Variants in ZNF782 observed in about 807,000 individuals in gnomAD.
ZNF782 encodes the protein zinc finger protein 782.
In ZNF782, 12 loss-of-function variants were observed where a neutral mutation model predicts 13.0. The ratio of observed to expected loss-of-function variants is 0.92; its 90% CI spans 0.59 to 1.50. The LOEUF is 1.50. Ranked by LOEUF, ZNF782 falls within the 40% of genes most tolerant of loss-of-function variation. ZNF782 has a pLI of 0.00. For synonymous variants in ZNF782, 284 were observed against 283.0 expected, an observed-to-expected ratio of 1.00 and a Z score of -0.04; for missense variants, 770 against 822.9, an observed-to-expected ratio of 0.94 and a Z score of 0.79.
At chr9:96,887,338 G>GAAGGAAGGAAGGAAGA in the ZNF782 span, 5 of 128,168 alleles carry the variant, frequency 3.9e-5, no homozygotes, top group Non-Finnish European at 6.7e-5. Flanking sequence ...AGGAAGGAAG[G>GAAGGAAGGAAGGAAGA]AAGAAAGAAA....
Position 96,816,726 on chromosome 9 carries a change from T to C in ZNF782, c.*1197A>G, listed in dbSNP as rs953895513. The C allele has an allele frequency of 3.3e-5, 5 of 152,168 alleles. No homozygotes were observed. Among genetic ancestry groups the C allele is most frequent in the African/African-American group, 4.8e-5 (2 of 41,444 alleles). 9.4% of individuals were successfully genotyped at this position (152,168 alleles called of 1,614,324 possible). On this transcript the variant is annotated 3_prime_UTR_variant, in exon 6 of 6. Coordinates refer to ENST00000481138, the MANE Select transcript of ZNF782 (RefSeq NM_001001662.3). ...AATTATCATATATTTAATGAGACTTTGGGTGTGTATGTGTGAGTGTGTGTC... is the reference window on the plus strand; with the variant it reads ...AATTATCATATATTTAATGAGACTTCGGGTGTGTATGTGTGAGTGTGTGTC...
chr9:96,877,065 C>T (rs1320713542), upstream of ZNF782, among the ~76,000 whole-genome samples: 1 of 151,254 alleles, frequency 6.6e-6, no homozygotes, highest in Non-Finnish European at 1.5e-5. Context: ...TACATGAGCA[C>T]CTGTTGATTT....
At chr9:96,887,226 A>ATTGC in the ZNF782 span, 2 of 150,684 alleles carry the variant, frequency 1.3e-5, no homozygotes, top group Non-Finnish European at 3.0e-5. Flanking sequence ...AGGCAGGAGA[A>ATTGC]TTGCTTGAAC....
the ZNF782 span, among the ~76,000 whole-genome samples, chr9:96,911,711 G>A: frequency 1.3e-5 from 2 of 151,118 alleles, no homozygotes; most frequent in Admixed American, 1.3e-4. Flanking sequence ...TAGTAGAGAC[G>A]GGGTTTCACC....
intron 5 of ZNF782, among the ~76,000 whole-genome samples, chr9:96,824,903 A>G (rs1285501930): frequency 6.6e-6 from 1 of 151,220 alleles, no homozygotes; most frequent in African/African-American, 2.4e-5. Context: ...AGGAAATAAA[A>G]GAGGATACAA....
At chr9:96,912,462 C>T in the ZNF782 span, among the ~76,000 whole-genome samples, 4 of 150,410 alleles carry the variant, frequency 2.7e-5, no homozygotes, top group Non-Finnish European at 5.9e-5. Flanking sequence ...CCACTGCACT[C>T]CAGCCCGGGC....
intron 1 of ZNF782, among the ~76,000 whole-genome samples, chr9:96,874,186 G>A (rs1429001040): frequency 6.6e-6 from 1 of 152,170 alleles, no homozygotes; most frequent in Non-Finnish European, 1.5e-5. Context: ...GGACTAAATG[G>A]CACTGTGTTT....
At chr9:96,906,391 C>T in the ZNF782 span, among the ~76,000 whole-genome samples, 1 of 149,590 alleles carries the variant, frequency 6.7e-6, no homozygotes, top group East Asian at 1.9e-4. Flanking sequence ...AGGTTGAGTG[C>T]TCAGTCCACA....
chr9:96,931,029 C>T, the ZNF782 span, among the ~76,000 whole-genome samples: 1 of 151,526 alleles, frequency 6.6e-6, no homozygotes, highest in African/African-American at 2.4e-5. Flanking sequence ...TGAGTAGCTG[C>T]GATTACAGGC....
rs1850451350 is a variant in ZNF782, at chr9:96,822,351, T to C, written c.245-2573A>G. Among the ~76,000 whole-genome samples, 4 of 152,250 alleles carry C rather than the reference T, an allele frequency of 2.6e-5. No homozygotes were observed. In the South Asian group the frequency reaches 6.2e-4, roughly 24 times the overall value. On this transcript the variant is annotated intron_variant, in intron 5 of 5. Coordinates refer to ENST00000481138, the MANE Select transcript of ZNF782 (RefSeq NM_001001662.3). ...GTAAAGCAGAGACCATTCTTTTTAG[T>C]GGGTTATAATCCAGGTGGGAATGGA... is the stretch of plus-strand genomic sequence containing the variant.
chr9:96,900,978 G>A, the ZNF782 span, among the ~76,000 whole-genome samples: 2 of 146,148 alleles, frequency 1.4e-5, no homozygotes. Context: ...TGGCCAACCT[G>A]GTGAAACCCC....
At chr9:96,925,481 T>TA in the ZNF782 span, among the ~76,000 whole-genome samples, 1 of 151,928 alleles carries the variant, frequency 6.6e-6, no homozygotes, top group African/African-American at 2.4e-5. Context: ...CTACCAAAAA[T>TA]ACAAAAATTA....
chr9:96,852,153 C>A lies in ZNF782; in HGVS notation c.-44-148G>T, dbSNP rs117305905. The A allele has an allele frequency of 1.0e-3, 594 of 595,866 alleles. 1 individual carries two copies. Among genetic ancestry groups the A allele is most frequent in the Middle Eastern group, 1.8e-3 (5 of 2,836 alleles). 36.9% of individuals were successfully genotyped at this position (595,866 alleles called of 1,614,324 possible). ...CCTTGAAAAGGCATGAGAAGCACCA[C>A]GTAGAGGTGGCACTGTCTACGACAA... is the stretch of plus-strand genomic sequence containing the variant. On this transcript the variant is annotated intron_variant, in intron 2 of 5. Coordinates refer to ENST00000481138, the MANE Select transcript of ZNF782 (RefSeq NM_001001662.3).
the ZNF782 span, among the ~76,000 whole-genome samples, chr9:96,913,251 G>GT: frequency 6.6e-6 from 1 of 151,668 alleles, no homozygotes; most frequent in African/African-American, 2.4e-5. Flanking sequence ...GGAGGCGGAG[G>GT]TTGCAGTGAG....
At position 96,835,643 on chromosome 9, in the gene ZNF782, T is replaced by TC. The variant is rs147404501; in HGVS notation, c.143-8463dup. On this transcript the variant is annotated intron_variant, in intron 4 of 5. Transcript: ENST00000481138. Reference sequence around the variant, plus strand: ...AGGCTTGTGCTGCATAAGCCTTACATCCCCTGGCTTATGTCTAGAGGGCAT... The same window carrying TC: ...AGGCTTGTGCTGCATAAGCCTTACATCCCCCTGGCTTATGTCTAGAGGGCAT... 6.7e-4 allele frequency among the ~76,000 whole-genome samples: 102 copies of TC among 152,324 alleles called. No homozygotes were observed. In the East Asian group the frequency reaches 0.016, roughly 24 times the overall value.
chr9:96,885,574 G>GA, the ZNF782 span, among the ~76,000 whole-genome samples: 1 of 152,054 alleles, frequency 6.6e-6, no homozygotes, highest in Non-Finnish European at 1.5e-5. Context: ...AAAAGTGTCT[G>GA]AAAAAATAAA....
At chr9:96,875,756 G>C (rs1055299396), upstream of ZNF782, 1 of 367,420 alleles carries the variant, frequency 2.7e-6, no homozygotes, top group Non-Finnish European at 5.4e-6. Flanking sequence ...CTCACTAGAA[G>C]TTGACAGGCT....
chr9:96,837,777 GTAGT>G (rs533500292), intron 4 of ZNF782, among the ~76,000 whole-genome samples: 40 of 152,116 alleles, frequency 2.6e-4, no homozygotes, highest in Non-Finnish European at 4.9e-4. Context: ...TGACCCCTTG[GTAGT>G]TAAAGAGTTT....
At chr9:96,886,836 T>C in the ZNF782 span, among the ~76,000 whole-genome samples, 73 of 148,832 alleles carry the variant, frequency 4.9e-4, no homozygotes, top group African/African-American at 1.7e-3. Context: ...GGCAGGAGAA[T>C]CGCTTGAACC....
Sources: allele counts gnomAD v4.1 joint callset (sites outside exome capture counted in the v4.1 genomes callset), GRCh38; gene constraint gnomAD v4.1.1; transcripts MANE v1.5; gene names NCBI Gene and HGNC (gene_info 2026-07-23, HGNC 2026-07-21).